Variants in PCDHGA4 observed in about 807,000 individuals in gnomAD.
The protein encoded by PCDHGA4 is protocadherin gamma subfamily A, 4, also known as protocadherin gamma-A4.
In PCDHGA4, 38 loss-of-function variants were observed where a neutral mutation model predicts 54.6. The observed-to-expected ratio is 0.70, with a 90% CI of 0.54 to 0.91. The LOEUF is 0.91. PCDHGA4 is among the 40% of genes least tolerant of loss of function. PCDHGA4 has a pLI of 0.00. For synonymous variants in PCDHGA4, 511 were observed against 512.9 expected (o/e 1.00, Z 0.05); for missense variants, 1,298 against 1,220.9 (o/e 1.06, Z -0.94).
chr5:141,497,100 T>A (rs886445893), intron 2 of PCDHGA4, among the ~76,000 whole-genome samples: 2 of 151,774 alleles, frequency 1.3e-5, no homozygotes, highest in Non-Finnish European at 2.9e-5. Context: ...GAGGCAGAAC[T>A]GCTTGAACCC....
chr5:141,492,632 C>G (rs1359761285), intron 1 of PCDHGA4, among the ~76,000 whole-genome samples: 1 of 152,256 alleles, frequency 6.6e-6, no homozygotes, highest in Non-Finnish European at 1.5e-5. Flanking sequence ...CAGGACTCTA[C>G]GATCCTTGGG....
chr5:141,409,178 G>C, intron 1 of PCDHGA4: 1 of 1,613,994 alleles, frequency 6.2e-7, no homozygotes, highest in Non-Finnish European at 8.5e-7. Context: ...GGACGGAGGT[G>C]GTCTCTCTAC....
At chr5:141,399,949 A>G in intron 1 of PCDHGA4, 1 of 1,612,272 alleles carries the variant, frequency 6.2e-7, no homozygotes, top group Non-Finnish European at 8.5e-7. Flanking sequence ...GCTGCAGGCT[A>G]GCGAGCCCGG....
intron 1 of PCDHGA4, among the ~76,000 whole-genome samples, chr5:141,465,409 A>G (rs1037916815): frequency 3.3e-5 from 5 of 152,188 alleles, no homozygotes; most frequent in African/African-American, 4.8e-5. Flanking sequence ...AAGAAGCCAA[A>G]TCAGCACTGA....
chr5:141,355,799 TA>T lies in PCDHGA4; in HGVS notation c.693del (p.Asp232IlefsTer30), dbSNP rs1759984627. 1 of 1,613,448 alleles carries T rather than the reference TA, an allele frequency of 6.2e-7. No individual in the cohort carries two copies. The highest frequency in any genetic ancestry group is 1.3e-5 in the African/African-American group (1 of 74,922). On this transcript the variant is annotated frameshift_variant, in exon 1 of 4. Transcript: ENST00000571252. LOFTEE classifies it high-confidence loss of function. Reference protein sequence around the residue: ...KYPELVLERALDREEEAVHHL... With the variant: ...KYPELVLERAXDREEEAVHHL... ...CCAGAGCTGGTGCTGGAACGCGCTC[TA>T]GATCGCGAGGAAGAGGCGGTTCACC...
At chr5:141,501,290 TACAC>T (rs55762287) in intron 2 of PCDHGA4, among the ~76,000 whole-genome samples, 45,565 of 135,778 alleles carry the variant, frequency 0.34, 7,845 homozygotes, top group Non-Finnish European at 0.42. Flanking sequence ...TATTCCCTTA[TACAC>T]ACACACACAC....
chr5:141,420,269 A>C, intron 1 of PCDHGA4: 1 of 1,544,558 alleles, frequency 6.5e-7, no homozygotes, highest in Non-Finnish European at 8.8e-7. Flanking sequence ...GAAGATTCTT[A>C]AACAGGTAAG....
In PCDHGA4 at chr5:141,477,868, C is replaced by T. The variant is rs1450078298; in HGVS notation, c.2515-16939C>T. 2 of 1,613,750 alleles carry T rather than the reference C, an allele frequency of 1.2e-6. No individual in the cohort carries two copies. Among genetic ancestry groups the T allele is most frequent in the Admixed American group, 3.3e-5 (2 of 59,988 alleles). On this transcript the variant is annotated intron_variant, in intron 1 of 3. Coordinates refer to ENST00000571252, the MANE Select transcript of PCDHGA4 (RefSeq NM_018917.4). This position sits in a 1 kb window ranked among gnomAD's most constrained non-coding sequence, Gnocchi z 4.9. ...CGGTGGAGATGCTGCCTCGAGGTAC[C>T]TCAGCTGGCCACCTAGTGTCACGGG...
chr5:141,437,408 G>A (rs1591455458), intron 1 of PCDHGA4, among the ~76,000 whole-genome samples: 1 of 152,200 alleles, frequency 6.6e-6, no homozygotes, highest in Non-Finnish European at 1.5e-5. Flanking sequence ...CATTCCAGAA[G>A]TATTATGCTT....
In PCDHGA4 at chr5:141,408,733, T is replaced by C. The variant is rs753545231; in HGVS notation, c.2514+51112T>C. The C allele has an allele frequency of 7.5e-6, 12 of 1,610,158 alleles. No individual in the cohort carries two copies. The South Asian group carries it at 1.3e-4, about 18-fold the overall frequency. Reference sequence around the variant, plus strand: ...ATTATAAGATAAACTCTAATCCTTATTTTTCATTAATGGTTAGAGTTAATT... The same window carrying C: ...ATTATAAGATAAACTCTAATCCTTACTTTTCATTAATGGTTAGAGTTAATT... On this transcript the variant is annotated intron_variant, in intron 1 of 3. Transcript: ENST00000571252.
rs2099427481 is a variant in PCDHGA4 at position 141,477,973 on chromosome 5, T to A, written c.2515-16834T>A. On this transcript the variant is annotated intron_variant, in intron 1 of 3. Coordinates refer to ENST00000571252, the MANE Select transcript of PCDHGA4 (RefSeq NM_018917.4). The surrounding 1 kb of genome is among the most constrained non-coding windows in gnomAD (Gnocchi z 4.9). The stretch of plus-strand genomic sequence containing the variant: ...TGGGATCCCCTAACCAGAGCCTTTT[T>A]GCCATAGGGCTGCACACTGGTCAAA... 1 of 1,614,030 alleles carries A rather than the reference T, an allele frequency of 6.2e-7. No individual in the cohort carries two copies. The highest frequency in any genetic ancestry group is 8.5e-7 in the Non-Finnish European group (1 of 1,180,030).
At chr5:141,386,253 A>G (rs539545859) in intron 1 of PCDHGA4, among the ~76,000 whole-genome samples, 1 of 152,364 alleles carries the variant, frequency 6.6e-6, no homozygotes, top group Admixed American at 6.5e-5. Context: ...AAATAACCCA[A>G]TCTGGGATTA....
chr5:141,383,492 G>C (rs1012277194), intron 1 of PCDHGA4: 3 of 1,613,178 alleles, frequency 1.9e-6, no homozygotes, highest in Non-Finnish European at 2.5e-6. Flanking sequence ...GTGCTGGAGC[G>C]GGTGCTGGAC....
intron 1 of PCDHGA4, chr5:141,388,422 C>T (rs68033444): frequency 0.056 from 89,796 of 1,613,752 alleles, 3,047 homozygotes; most frequent in African/African-American, 0.15. Flanking sequence ...TCATTTCTCA[C>T]TGATAAATAA....
chr5:141,403,614 G>C (rs772617526), intron 1 of PCDHGA4: 1 of 1,613,860 alleles, frequency 6.2e-7, no homozygotes, highest in Admixed American at 1.7e-5. Context: ...GGCGAGCCGC[G>C]TCGCTCCAGC....
At chr5:141,437,381 C>T (rs2097879875) in intron 1 of PCDHGA4, among the ~76,000 whole-genome samples, 1 of 152,222 alleles carries the variant, frequency 6.6e-6, no homozygotes, top group Non-Finnish European at 1.5e-5. Flanking sequence ...AGTCAGAAGA[C>T]ATTCATCCAC....
At chr5:141,496,928 G>A (rs2099772685) in intron 2 of PCDHGA4, among the ~76,000 whole-genome samples, 1 of 151,334 alleles carries the variant, frequency 6.6e-6, no homozygotes, top group Non-Finnish European at 1.5e-5. Context: ...GTTCACGCCT[G>A]TAATCCCAGC....
At chr5:141,388,018 C>A (rs528825785) in intron 1 of PCDHGA4, 2 of 1,460,562 alleles carry the variant, frequency 1.4e-6, no homozygotes, top group African/African-American at 2.9e-5. Flanking sequence ...CCCAAGGGCT[C>A]CGTAGTGGGG....
At chr5:141,374,573 A>G in intron 1 of PCDHGA4, 1 of 1,613,740 alleles carries the variant, frequency 6.2e-7, no homozygotes, top group Non-Finnish European at 8.5e-7. Context: ...TGATGTGGGA[A>G]TGAACTCCCT....
Sources: allele counts gnomAD v4.1 joint callset (sites outside exome capture counted in the v4.1 genomes callset), GRCh38; gene constraint gnomAD v4.1.1; non-coding constraint Gnocchi (gnomAD v3.1); transcripts MANE v1.5; gene names NCBI Gene and HGNC (gene_info 2026-07-23, HGNC 2026-07-21).